Variants in QRICH2 observed in about 807,000 individuals in gnomAD.
QRICH2 encodes the protein glutamine-rich protein 2.
QRICH2 carries 119 observed loss-of-function variants against 168.3 expected under a neutral mutation model. The ratio of observed to expected loss-of-function variants is 0.71; its 90% confidence interval spans 0.61 to 0.82. The LOEUF is 0.82. Ranked by LOEUF, QRICH2 falls within the 40% of genes least tolerant of loss-of-function variation. QRICH2 has a pLI of 0.00. For synonymous variants in QRICH2, 894 were observed against 951.2 expected (o/e 0.94, Z 1.11); for missense variants, 2,241 against 2,491.6 (o/e 0.90, Z 2.14).
chr17:76,301,875 TGTGTG>T, intron 3 of QRICH2, among the ~76,000 whole-genome samples: 1 of 1,214 alleles, frequency 8.2e-4, no homozygotes, highest in African/African-American at 0.011. Context: ...GCTAATTTTG[TGTGTG>T]TGTGTGTGTG....
At chr17:76,275,246 C>G (rs539886339) in intron 18 of QRICH2, among the ~76,000 whole-genome samples, 1 of 152,226 alleles carries the variant, frequency 6.6e-6, no homozygotes, top group South Asian at 2.1e-4. Context: ...TGATGACAGA[C>G]GAGGAAACTG....
intron 15 of QRICH2, among the ~76,000 whole-genome samples, chr17:76,277,641 C>CAT (rs969003105): frequency 2.0e-5 from 3 of 151,848 alleles, no homozygotes; most frequent in African/African-American, 7.3e-5. Context: ...CGAACATATA[C>CAT]ATACATACTC....
At chr17:76,277,022 CTGAGGCT>C in intron 16 of QRICH2, 134 bp downstream of exon 16, 1 of 957,660 alleles carries the variant, frequency 1.0e-6, no homozygotes, top group East Asian at 2.7e-5. Flanking sequence ...GGGTAAGAAC[CTGAGGCT>C]TTGACTGGGT....
Position 76,304,442 on chromosome 17 carries a change from A to C in QRICH2, c.678T>G (p.Ile226Met). 6.2e-7 allele frequency: 1 copy of C among 1,613,524 alleles called. No individual in the cohort carries two copies. The highest frequency in any genetic ancestry group is 8.5e-7 in the Non-Finnish European group (1 of 1,179,912). ...CTTGTGAGGCTCTCCAGCCGTCCGT[A>C]ATCGCCTGCTCCAGCTCTTCCCAGG... ...MVTWEELEQA[I>M]TDGWRASQAG... The change falls in exon 3 of 19, where the codon ATT becomes ATG. Residue 226 changes from isoleucine to methionine, a missense_variant. Ile to Met is a conservative substitution (Grantham distance 10). Transcript: ENST00000680821.
intron 7 of QRICH2, among the ~76,000 whole-genome samples, chr17:76,283,210 C>G: frequency 6.6e-6 from 1 of 152,268 alleles, no homozygotes; most frequent in East Asian, 1.9e-4. Context: ...AGTTCTCTCT[C>G]GAAAAGAGGA....
In QRICH2 at chr17:76,289,798, C is replaced by A. The variant is rs982458983; in HGVS notation, c.3798+194G>T. On this transcript the variant is annotated intron_variant, in intron 5 of 18. Coordinates refer to ENST00000680821, the MANE Select transcript of QRICH2 (RefSeq NM_001388453.1). ...ACTAATAATAATACAAATAATAATA[C>A]AAAATTAGCCGGGCATGGTGGCACA... Among the ~76,000 whole-genome samples, 6 of 151,666 alleles carry A rather than the reference C, an allele frequency of 4.0e-5. No individual in the cohort carries two copies. In the South Asian group the frequency reaches 1.3e-3, roughly 32 times the overall value.
At position 76,276,746 on chromosome 17, in the gene QRICH2, C is replaced by T; in HGVS notation, c.5287G>A (p.Gly1763Ser). The T allele has an allele frequency of 6.2e-7, 1 of 1,612,986 alleles. No individual in the cohort carries two copies. The highest frequency in any genetic ancestry group is 1.1e-5 in the South Asian group (1 of 91,082). The change falls in exon 17 of 19, where the codon GGC (glycine) becomes AGC (serine). Residue 1763 changes from glycine (G) to serine (S), a missense_variant. Gly to Ser is a moderately conservative substitution (Grantham distance 56). Around this residue, in one of 3 missense-constraint regions of QRICH2, gnomAD observed 5 missense variants for 18.5 expected, o/e 0.27. Coordinates refer to ENST00000680821, the MANE Select transcript of QRICH2 (RefSeq NM_001388453.1). ...CCCTTGTAAATGTGGCCATCCAGGCCCAAGATGTCCACCTCATCATGCTGT... is the reference window on the plus strand; with the variant it reads ...CCCTTGTAAATGTGGCCATCCAGGCTCAAGATGTCCACCTCATCATGCTGT... ...AMKHDEVDIL[G>S]LDGHIYKGRM... is the part of the protein sequence containing the mutation.
rs747755073 is a variant in QRICH2 at position 76,277,262 on chromosome 17, G to A, written c.5166C>T (p.Cys1722=). 1.7e-5 allele frequency: 27 copies of A among 1,600,976 alleles called. No individual in the cohort carries two copies. The highest frequency in any genetic ancestry group is 5.4e-5 in the Admixed American group (3 of 55,572). The change falls in exon 16 of 19, where the codon TGC becomes TGT. Residue 1722 remains cysteine (C), a synonymous_variant. Coordinates refer to ENST00000680821, the MANE Select transcript of QRICH2 (RefSeq NM_001388453.1). ...DYTYSTVPRR[C]GGSHTLTYPY... ...GGTAGGTGAGGGTGTGGCTGCCCCCGCAGCGCCGGGGCACAGTTGAGTAGG... is the reference window on the plus strand; with the variant it reads ...GGTAGGTGAGGGTGTGGCTGCCCCCACAGCGCCGGGGCACAGTTGAGTAGG...
intron 15 of QRICH2, among the ~76,000 whole-genome samples, chr17:76,277,716 ACACC>A (rs1568104020): frequency 6.6e-6 from 1 of 151,862 alleles, no homozygotes; most frequent in Non-Finnish European, 1.5e-5. Flanking sequence ...ACATACTCAA[ACACC>A]CACACTCACG....
chr17:76,274,547 C>T (rs577262764), intron 18 of QRICH2, among the ~76,000 whole-genome samples: 1 of 152,310 alleles, frequency 6.6e-6, no homozygotes, highest in African/African-American at 2.4e-5. Context: ...TTAATACAGA[C>T]ACGAGGTGAC....
At chr17:76,277,566 T>C (rs1020526517) in intron 15 of QRICH2, among the ~76,000 whole-genome samples, 1 of 150,220 alleles carries the variant, frequency 6.7e-6, no homozygotes, top group Non-Finnish European at 1.5e-5. Flanking sequence ...ATACACACAG[T>C]CACACACACA....
intron 15 of QRICH2, among the ~76,000 whole-genome samples, chr17:76,277,582 A>G (rs968072124): frequency 2.6e-5 from 4 of 151,852 alleles, no homozygotes; most frequent in African/African-American, 9.7e-5. Context: ...ACACACATAC[A>G]TGCACACACA....
rs139933188 is a variant in QRICH2, at chr17:76,301,872, TTGTGTGTGTGTGTGTGTGTGTG to T, written c.705+2521_705+2542del. 9.5e-3 allele frequency among the ~76,000 whole-genome samples: 1,296 copies of T among 136,212 alleles called. 30 individuals carry two copies. Among genetic ancestry groups the T allele is most frequent in the African/African-American group, 0.031 (1,166 of 37,382 alleles). 89.4% of individuals were successfully genotyped at this position (136,212 alleles called of 152,430 possible). A position where few individuals can be genotyped will look rare whatever the true frequency, so the allele number is the denominator to read the frequency against. ...CTCCTGCCACCACACCTGGCTAATT[TTGTGTGTGTGTGTGTGTGTGTG>T]TGTGTGTGTGTGTGTGTGTGTGTGA... is the stretch of plus-strand genomic sequence containing the variant. On this transcript the variant is annotated intron_variant, in intron 3 of 18. Transcript: ENST00000680821.
At chr17:76,286,174 C>CAA (rs59117152) in intron 7 of QRICH2, among the ~76,000 whole-genome samples, 2,424 of 144,614 alleles carry the variant, frequency 0.017, 51 homozygotes, top group African/African-American at 0.051. Context: ...GACTCCGTCT[C>CAA]AAAAAAAAAA....
rs902270151 is a variant in QRICH2, at chr17:76,288,245, G to A, written c.3799-348C>T. Among the ~76,000 whole-genome samples the A allele has an allele frequency of 8.6e-5, 13 of 151,844 alleles. No homozygotes were observed. The East Asian group carries it at 1.9e-3, about 23-fold the overall frequency. On this transcript the variant is annotated intron_variant, in intron 5 of 18. Coordinates refer to ENST00000680821, the MANE Select transcript of QRICH2 (RefSeq NM_001388453.1). ...TAAAAAATACAAAAATCAGCTGGGCGTGGTGGCTGGCGCCTGTAATCCCAG... is the reference window on the plus strand; with the variant it reads ...TAAAAAATACAAAAATCAGCTGGGCATGGTGGCTGGCGCCTGTAATCCCAG...
rs901613102 is a variant in QRICH2 at position 76,293,643 on chromosome 17, C to G, written c.1084G>C (p.Val362Leu). Residue 362 changes from valine (V) to leucine (L), a missense_variant, in exon 4 of 19, where the codon GTT becomes CTT. Coordinates refer to ENST00000680821, the MANE Select transcript of QRICH2 (RefSeq NM_001388453.1). Reference protein sequence around the residue: ...QPRRNARPGPVQQDLPLARDQ... With the variant: ...QPRRNARPGPLQQDLPLARDQ... Reference sequence around the variant, plus strand: ...CTGGCCAAGGGTAAGTCCTGTTGAACTGGACCAGGACGTGCATTTCTTCTT... The same window carrying G: ...CTGGCCAAGGGTAAGTCCTGTTGAAGTGGACCAGGACGTGCATTTCTTCTT... 1.2e-6 allele frequency: 2 copies of G among 1,614,070 alleles called. No homozygotes were observed.
rs73350386 is a variant in QRICH2, at chr17:76,280,234, G to A, written c.4626+53C>T. 59,004 of 1,609,458 alleles carry A rather than the reference G, an allele frequency of 0.037. 5,532 individuals carry two copies. The highest frequency in any genetic ancestry group is 0.36 in the African/African-American group (27,072 of 74,874). On this transcript the variant is annotated intron_variant, in intron 11 of 18. Coordinates refer to ENST00000680821, the MANE Select transcript of QRICH2 (RefSeq NM_001388453.1). This position sits in a 1 kb window ranked among gnomAD's most constrained non-coding sequence, Gnocchi z 7.4. ...ACCCAGGAGAAGGTGGTGCTGTCCC[G>A]ATCCTGGGGGCAAGGCTGTGGGATG...
At chr17:76,287,732 G>A (rs930497464) in intron 6 of QRICH2, 68 bp downstream of exon 6, 19 of 1,195,078 alleles carry the variant, frequency 1.6e-5, no homozygotes, top group African/African-American at 6.0e-5. Context: ...GCCACTGGCC[G>A]CCATCACCTC....
At position 76,278,035 on chromosome 17, in the gene QRICH2, G is replaced by A. The variant is rs369758266; in HGVS notation, c.5071C>T (p.Arg1691Cys). Reference sequence around the variant, plus strand: ...AGGCACTGGGCGTGCAGCAGCTCGCGGATTATCTGGCTGCTGGCCTTGGTG... The same window carrying A: ...AGGCACTGGGCGTGCAGCAGCTCGCAGATTATCTGGCTGCTGGCCTTGGTG... ...GSTKASSQII[R>C]ELLHAQCLGS... The change falls in exon 15 of 19, where the codon CGC (arginine) becomes TGC (cysteine). Residue 1691 changes from arginine (R) to cysteine (C), a missense_variant. Arg to Cys is a radical substitution (Grantham distance 180). Transcript: ENST00000680821. 2.3e-5 allele frequency: 37 copies of A among 1,613,710 alleles called. No individual in the cohort carries two copies. The highest frequency in any genetic ancestry group is 1.9e-4 in the South Asian group (17 of 91,086).
Sources: allele counts gnomAD v4.1 joint callset (sites outside exome capture counted in the v4.1 genomes callset), GRCh38; gene constraint gnomAD v4.1.1; regional missense constraint gnomAD v4.1.1; non-coding constraint Gnocchi (gnomAD v3.1); transcripts MANE v1.5; gene names NCBI Gene and HGNC (gene_info 2026-07-23, HGNC 2026-07-21).